Variants in CNTLN observed in about 807,000 individuals in gnomAD.
CNTLN encodes the protein centlein.
CNTLN carries 212 observed loss-of-function variants against 180.0 expected under a neutral mutation model. The ratio of observed to expected loss-of-function variants is 1.18; its 90% CI spans 1.05 to 1.32. CNTLN has a LOEUF of 1.32. Among genes scored for constraint, CNTLN ranks in the 40% most tolerant of loss-of-function variants. The probability of loss-of-function intolerance (pLI) is 0.00; values close to 1 mark genes in which losing one functional copy is unlikely to be tolerated. For missense variants in CNTLN, 2,095 were observed against 1,610.9 expected, an observed-to-expected ratio of 1.30 and a Z score of -5.14; for synonymous variants, 722 against 563.1, an observed-to-expected ratio of 1.28 and a Z score of -3.99.
chr9:17,142,560 G>A (rs1015472236), intron 1 of CNTLN, among the ~76,000 whole-genome samples: 1 of 152,114 alleles, frequency 6.6e-6, no homozygotes, highest in African/African-American at 2.4e-5. Flanking sequence ...AGAGGAAATG[G>A]CTCTAGATAG....
chr9:17,370,384 A>G (rs535620417), intron 13 of CNTLN, among the ~76,000 whole-genome samples: 1 of 152,206 alleles, frequency 6.6e-6, no homozygotes, highest in South Asian at 2.1e-4. Context: ...TTTACAGGCT[A>G]GGAGATAGTG....
chr9:17,352,357 G>T (rs1345117503), intron 12 of CNTLN, among the ~76,000 whole-genome samples: 1 of 146,708 alleles, frequency 6.8e-6, no homozygotes, highest in African/African-American at 2.5e-5. Flanking sequence ...TTTTTCCTCT[G>T]CAAAGCAAGA....
At chr9:17,363,556 A>G (rs980287588) in intron 12 of CNTLN, among the ~76,000 whole-genome samples, 1 of 140,260 alleles carries the variant, frequency 7.1e-6, no homozygotes, top group Admixed American at 7.0e-5. Flanking sequence ...TTTATTTTTT[A>G]TTCTTTAAAT....
chr9:17,178,535 C>T (rs1275199609), intron 2 of CNTLN, among the ~76,000 whole-genome samples: 2 of 152,098 alleles, frequency 1.3e-5, no homozygotes, highest in Non-Finnish European at 2.9e-5. Flanking sequence ...GCATGGGGGA[C>T]TCAGGCATGG....
intron 2 of CNTLN, chr9:17,167,164 G>C (rs1171668869): frequency 5.2e-6 from 1 of 190,480 alleles, no homozygotes; most frequent in Non-Finnish European, 1.1e-5. Flanking sequence ...AGGTAAAAGA[G>C]CTTTATTAAC....
the CNTLN span, among the ~76,000 whole-genome samples, chr9:17,515,278 T>C: frequency 6.6e-6 from 1 of 152,210 alleles, no homozygotes; most frequent in East Asian, 1.9e-4. Context: ...TCAGCCTCAA[T>C]TTCTAGATAG....
chr9:17,236,735 A>G (rs551791727), intron 5 of CNTLN, 147 bp downstream of exon 5: 3 of 542,104 alleles, frequency 5.5e-6, no homozygotes, highest in Admixed American at 4.1e-5. Flanking sequence ...CTTAAGACCC[A>G]TAGCTTTTTA....
chr9:17,271,839 A>G (rs1051970160), intron 5 of CNTLN, among the ~76,000 whole-genome samples: 17 of 152,126 alleles, frequency 1.1e-4, no homozygotes, highest in African/African-American at 3.6e-4. Flanking sequence ...TATTTTCAAT[A>G]ATTTTTGATT....
In CNTLN at chr9:17,298,171, T is replaced by A; in HGVS notation, c.984-19T>A. 7.1e-7 allele frequency: 1 copy of A among 1,415,546 alleles called. No individual in the cohort carries two copies. Among genetic ancestry groups the A allele is most frequent in the Non-Finnish European group, 9.3e-7 (1 of 1,077,844 alleles). The allele number at this position is 1,415,546 out of a possible 1,614,324, so 87.7% of individuals were successfully genotyped here. A position where few individuals can be genotyped will look rare whatever the true frequency, so the allele number is the denominator to read the frequency against. ...ATCTTTATCCATACTTTTCTCTATT[T>A]ATTGCTTGCTTTGCACAGGAAGGAA... On this transcript the variant is annotated intron_variant, in intron 6 of 25. Transcript: ENST00000380647.
chr9:17,240,683 A>G (rs1171998047), intron 5 of CNTLN, among the ~76,000 whole-genome samples: 1 of 152,000 alleles, frequency 6.6e-6, no homozygotes, highest in Non-Finnish European at 1.5e-5. Context: ...GATAGTTTGT[A>G]CATATTGTCC....
At chr9:17,521,265 A>AAGAGAGAGAGAGAGAGAGAG in the CNTLN span, among the ~76,000 whole-genome samples, 1,224 of 118,534 alleles carry the variant, frequency 0.01, 40 homozygotes, top group Admixed American at 0.022. Flanking sequence ...AAGGGAGAAA[A>AAGAGAGAGAGAGAGAGAGAG]AGAGAGAGAG....
chr9:17,266,142 T>G (rs1159747421), intron 5 of CNTLN, among the ~76,000 whole-genome samples: 2 of 105,514 alleles, frequency 1.9e-5, no homozygotes, highest in African/African-American at 9.5e-5. Context: ...GGGTGTCAGT[T>G]TTGGATCTTC....
chr9:17,371,318 G>C (rs1464696933), intron 13 of CNTLN, among the ~76,000 whole-genome samples: 1 of 152,108 alleles, frequency 6.6e-6, no homozygotes, highest in Admixed American at 6.5e-5. Flanking sequence ...AAGAGCAGGA[G>C]TAGCTATACT....
At chr9:17,511,879 T>A in the CNTLN span, among the ~76,000 whole-genome samples, 3 of 152,042 alleles carry the variant, frequency 2.0e-5, no homozygotes, top group African/African-American at 7.3e-5. Flanking sequence ...GAATAAATAT[T>A]TATTTGTGAA....
intron 19 of CNTLN, among the ~76,000 whole-genome samples, chr9:17,460,605 G>A (rs940023164): frequency 6.6e-6 from 1 of 151,756 alleles, no homozygotes; most frequent in African/African-American, 2.4e-5. Flanking sequence ...AGGATCAAAT[G>A]AAATAGCTGT....
intron 6 of CNTLN, among the ~76,000 whole-genome samples, chr9:17,295,997 A>AGTGTGT (rs66515360): frequency 2.7e-4 from 25 of 91,338 alleles, no homozygotes; most frequent in African/African-American, 4.7e-4. Context: ...AGAGAGAGAG[A>AGTGTGT]GTGTGTGTGT....
At chr9:17,376,253 C>G (rs1486866369) in intron 13 of CNTLN, among the ~76,000 whole-genome samples, 1 of 152,048 alleles carries the variant, frequency 6.6e-6, no homozygotes, top group East Asian at 1.9e-4. Context: ...CTAGGGTTTG[C>G]TAAGACTTTA....
At chr9:17,205,060 C>T (rs764739208) in intron 2 of CNTLN, among the ~76,000 whole-genome samples, 1 of 152,144 alleles carries the variant, frequency 6.6e-6, no homozygotes, top group Non-Finnish European at 1.5e-5. Context: ...CATCCCAGGT[C>T]GACTTCAGAC....
At chr9:17,339,841 T>C (rs7870101) in intron 10 of CNTLN, among the ~76,000 whole-genome samples, 88,887 of 151,926 alleles carry the variant, frequency 0.59, 26,331 homozygotes, top group East Asian at 0.73. Context: ...AAAATTGATC[T>C]CATGTGCTAT....
Sources: gnomAD v4.1 joint callset for allele counts (sites outside exome capture counted in the v4.1 genomes callset) on GRCh38, gnomAD v4.1.1 for gene constraint, MANE v1.5 for transcripts, NCBI Gene and HGNC (gene_info 2026-07-23, HGNC 2026-07-21) for gene names.